The following PLCXD3 variants were observed in gnomAD, a reference collection of about 807,000 sequenced individuals.
PLCXD3 encodes the protein phosphatidylinositol specific phospholipase C X domain containing 3.
Under a neutral mutation model 25.5 loss-of-function variants are expected in PLCXD3, and 19 were observed. That is an observed-to-expected ratio of 0.75 (90% CI 0.52 to 1.09). The LOEUF is 1.09. PLCXD3 is among the 50% of genes least tolerant of loss of function. PLCXD3 has a pLI of 0.00. For synonymous variants in PLCXD3, 174 were observed against 137.6 expected, an observed-to-expected ratio of 1.26 and a Z score of -1.85; for missense variants, 411 against 388.1, an observed-to-expected ratio of 1.06 and a Z score of -0.50.
At chr5:41,358,710 C>A (rs372870209) in intron 2 of PLCXD3, among the ~76,000 whole-genome samples, 8 of 152,116 alleles carry the variant, frequency 5.3e-5, no homozygotes, top group Middle Eastern at 3.4e-3. Flanking sequence ...TCCTTTATTT[C>A]TTTCTCTTGT....
intron 1 of PLCXD3, among the ~76,000 whole-genome samples, chr5:41,486,834 G>C (rs1372900654): frequency 6.6e-6 from 1 of 152,126 alleles, no homozygotes; most frequent in East Asian, 1.9e-4. Flanking sequence ...CTCAATTTTA[G>C]AGCTGAGAAA....
intron 1 of PLCXD3, among the ~76,000 whole-genome samples, chr5:41,458,681 T>G (rs1433795370): frequency 6.6e-6 from 1 of 151,894 alleles, no homozygotes; most frequent in African/African-American, 2.4e-5. Flanking sequence ...TCTGAATGCT[T>G]TTCTTAGCAC....
chr5:41,324,053 C>T (rs375025484), intron 2 of PLCXD3, among the ~76,000 whole-genome samples: 6 of 151,822 alleles, frequency 4.0e-5, no homozygotes, highest in East Asian at 3.9e-4. Context: ...GAGCTGTGAA[C>T]GTGGATAAGA....
intron 2 of PLCXD3, among the ~76,000 whole-genome samples, chr5:41,380,008 G>A (rs1430240212): frequency 6.6e-6 from 1 of 152,014 alleles, no homozygotes; most frequent in Non-Finnish European, 1.5e-5. Flanking sequence ...AGTAACAGAA[G>A]AAAGTTATGA....
chr5:41,322,201 A>C (rs1164915225), intron 2 of PLCXD3, among the ~76,000 whole-genome samples: 4 of 152,250 alleles, frequency 2.6e-5, no homozygotes, highest in Non-Finnish European at 5.9e-5. Context: ...ATTAATAACC[A>C]GGATATATAA....
intron 1 of PLCXD3, among the ~76,000 whole-genome samples, chr5:41,386,854 C>A (rs1745651976): frequency 6.6e-6 from 1 of 151,974 alleles, no homozygotes; most frequent in Non-Finnish European, 1.5e-5. Flanking sequence ...GCCATTGCCT[C>A]CCCTTCTGAT....
intron 2 of PLCXD3, among the ~76,000 whole-genome samples, chr5:41,352,536 G>A (rs1184870004): frequency 6.6e-6 from 1 of 152,116 alleles, no homozygotes; most frequent in East Asian, 1.9e-4. Flanking sequence ...ATGATAATTA[G>A]CCTAGTCTTA....
At chr5:41,354,352 A>G (rs1415716581) in intron 2 of PLCXD3, among the ~76,000 whole-genome samples, 1 of 151,958 alleles carries the variant, frequency 6.6e-6, no homozygotes, top group East Asian at 1.9e-4. Flanking sequence ...CCCTCCCTCA[A>G]CTTGCTCTAT....
intron 2 of PLCXD3, among the ~76,000 whole-genome samples, chr5:41,355,001 T>C (rs1264982628): frequency 6.6e-6 from 1 of 152,188 alleles, no homozygotes; most frequent in African/African-American, 2.4e-5. Context: ...GTATGCTGTC[T>C]TACCTCCACA....
chr5:41,375,177 GAA>G (rs1745253838), intron 2 of PLCXD3, among the ~76,000 whole-genome samples: 1 of 151,700 alleles, frequency 6.6e-6, no homozygotes, highest in Non-Finnish European at 1.5e-5. Flanking sequence ...GAGAGAAAGA[GAA>G]AGAGAGAGAG....
At chr5:41,363,958 TC>T (rs1231175830) in intron 2 of PLCXD3, among the ~76,000 whole-genome samples, 1 of 152,200 alleles carries the variant, frequency 6.6e-6, no homozygotes, top group Non-Finnish European at 1.5e-5. Context: ...GTTGGTATCA[TC>T]TGTTTAATGT....
intron 1 of PLCXD3, among the ~76,000 whole-genome samples, chr5:41,510,206 A>G (rs1231608196): frequency 6.6e-6 from 1 of 152,204 alleles, no homozygotes; most frequent in African/African-American, 2.4e-5. Flanking sequence ...GGAGAAAAGC[A>G]GTCACCTTGA....
chr5:41,492,980 C>T (rs1392866581), intron 1 of PLCXD3, among the ~76,000 whole-genome samples: 6 of 152,238 alleles, frequency 3.9e-5, no homozygotes, highest in African/African-American at 1.2e-4. Flanking sequence ...TGAGGAACTG[C>T]GTTCCTTTGG....
chr5:41,503,138 T>C (rs1375218419), intron 1 of PLCXD3, among the ~76,000 whole-genome samples: 1 of 152,166 alleles, frequency 6.6e-6, no homozygotes, highest in Non-Finnish European at 1.5e-5. Context: ...AGATAAGTCC[T>C]ATCTGCCCAC....
intron 1 of PLCXD3, among the ~76,000 whole-genome samples, chr5:41,449,819 C>T (rs779202161): frequency 8.5e-5 from 13 of 152,108 alleles, no homozygotes; most frequent in Non-Finnish European, 1.0e-4. Context: ...ATTAAAAAGC[C>T]ATTGGTGGGC....
At chr5:41,469,783 T>C (rs956493747) in intron 1 of PLCXD3, among the ~76,000 whole-genome samples, 2 of 152,246 alleles carry the variant, frequency 1.3e-5, no homozygotes, top group South Asian at 4.1e-4. Flanking sequence ...GCAGGCATTC[T>C]TTCTGTATTA....
chr5:41,369,118 G>A (rs966766951), intron 2 of PLCXD3, among the ~76,000 whole-genome samples: 27 of 152,274 alleles, frequency 1.8e-4, no homozygotes, highest in African/African-American at 6.5e-4. Flanking sequence ...CTTATGTCAT[G>A]GAAGACCATG....
intron 1 of PLCXD3, among the ~76,000 whole-genome samples, chr5:41,416,452 G>A (rs1024244430): frequency 2.6e-5 from 4 of 152,204 alleles, no homozygotes; most frequent in Admixed American, 2.6e-4. Flanking sequence ...CCCAGTGAGG[G>A]TGGGTCTCAG....
chr5:41,443,905 T>C (rs73079739), intron 1 of PLCXD3, among the ~76,000 whole-genome samples: 1,672 of 152,314 alleles, frequency 0.011, 27 homozygotes, highest in African/African-American at 0.038. Flanking sequence ...TTTCTTTTAA[T>C]CCTGCTCTAT....
Sources: gnomAD v4.1 joint callset for allele counts (sites outside exome capture counted in the v4.1 genomes callset) on GRCh38, gnomAD v4.1.1 for gene constraint, MANE v1.5 for transcripts, NCBI Gene and HGNC (gene_info 2026-07-23, HGNC 2026-07-21) for gene names.